The following OXGR1 variants were observed in gnomAD, a reference collection of about 807,000 sequenced individuals.
The protein encoded by OXGR1 is 2-oxoglutarate receptor 1.
OXGR1 carries 10 observed loss-of-function variants against 10.0 expected under a neutral mutation model. The observed-to-expected ratio is 1.00, with a 90% CI of 0.62 to 1.70. The LOEUF is 1.70. OXGR1 is among the 40% of genes most tolerant of loss of function. The probability of loss-of-function intolerance (pLI) is 0.00; values close to 1 mark genes in which losing one functional copy is unlikely to be tolerated. For missense variants in OXGR1, 398 were observed against 407.6 expected (o/e 0.98, Z 0.20); for synonymous variants, 191 against 155.9 (o/e 1.22, Z -1.68).
In OXGR1 at chr13:96,987,557, C is replaced by G; in HGVS notation, c.203G>C (p.Ser68Thr). 2 of 1,614,048 alleles carry G rather than the reference C, an allele frequency of 1.2e-6. No individual in the cohort carries two copies. Among genetic ancestry groups the G allele is most frequent in the Non-Finnish European group, 1.7e-6 (2 of 1,179,940 alleles). Reference sequence around the variant, plus strand: ...GGCCAGGTTCAGCATAATGATGGTGCTGCTCTTCCAAGGTCTCATTTTGAA... The same window carrying G: ...GGCCAGGTTCAGCATAATGATGGTGGTGCTCTTCCAAGGTCTCATTTTGAA... ...YIFKMRPWKSSTIIMLNLACT... is the reference protein window; with the variant it reads ...YIFKMRPWKSTTIIMLNLACT... The change falls in exon 4 of 4, where the codon AGC (serine) becomes ACC (threonine). Residue 68 changes from serine to threonine, a missense_variant. Transcript: ENST00000541038.
rs532359353 is a variant in OXGR1, at chr13:96,994,127, A to G, written c.-278+171T>C. On this transcript the variant is annotated intron_variant, in intron 1 of 3. Coordinates refer to ENST00000541038, the MANE Select transcript of OXGR1 (RefSeq NM_001346194.2). ...GATCTGGGGTGCTCCTGCTGCCTCC[A>G]GAGAAGAAGGGGGCGCTGCTCCGTC... is the stretch of plus-strand genomic sequence containing the variant. Among the ~76,000 whole-genome samples the G allele has an allele frequency of 6.6e-5, 10 of 152,304 alleles. No individual in the cohort carries two copies. In the East Asian group the frequency reaches 1.9e-3, roughly 29 times the overall value.
intron 3 of OXGR1, 85 bp from the exon 4 acceptor site, chr13:96,987,918 A>C: frequency 4.2e-6 from 4 of 960,432 alleles, no homozygotes; most frequent in Admixed American, 3.7e-5. Flanking sequence ...TAACATCCTA[A>C]ATTTGCCACT....
In OXGR1 at chr13:96,986,797, T is replaced by G. The variant is rs1367284378; in HGVS notation, c.963A>C (p.Val321=). ...QAVCSTVRCK[V]SGNLEQAKKI... ...TCTTTGCTTGCTCAAGGTTCCCGCTTACTTTGCATCTCACTGTTGAGCAGA... is the reference window on the plus strand; with the variant it reads ...TCTTTGCTTGCTCAAGGTTCCCGCTGACTTTGCATCTCACTGTTGAGCAGA... Residue 321 remains valine, a synonymous_variant, in exon 4 of 4, where the codon GTA becomes GTC. Transcript: ENST00000541038. 6.2e-7 allele frequency: 1 copy of G among 1,613,338 alleles called. No individual in the cohort carries two copies. The highest frequency in any genetic ancestry group is 1.1e-5 in the South Asian group (1 of 90,700).
chr13:96,990,946 C>CAAAAAAAAAAA lies in OXGR1; in HGVS notation c.-126-1148_-126-1138dup, dbSNP rs765856782. On this transcript the variant is annotated intron_variant, in intron 2 of 3. Coordinates refer to ENST00000541038, the MANE Select transcript of OXGR1 (RefSeq NM_001346194.2). ...CCTGAGTGACACAGCAAGACTCTTT[C>CAAAAAAAAAAA]AAAAAAAAAAAAAAAAGCAAGCTTA... Among the ~76,000 whole-genome samples the CAAAAAAAAAAA allele has an allele frequency of 7.7e-4, 75 of 97,080 alleles. 7 individuals are homozygous for CAAAAAAAAAAA. The highest frequency in any genetic ancestry group is 2.9e-3 in the African/African-American group (60 of 21,040). The allele number at this position is 97,080 out of a possible 152,430, so 63.7% of individuals were successfully genotyped here.
upstream of OXGR1, chr13:96,994,574 A>T (rs1445074202): frequency 6.6e-6 from 1 of 152,182 alleles, no homozygotes; most frequent in East Asian, 1.9e-4. Context: ...CTGACCCAGG[A>T]GAAAGTGTTT....
chr13:96,990,487 GA>G (rs1390730693), intron 2 of OXGR1, among the ~76,000 whole-genome samples: 4 of 152,174 alleles, frequency 2.6e-5, no homozygotes, highest in Admixed American at 6.5e-5. Context: ...TCAGCTCCTT[GA>G]AAGAAAAACA....
In OXGR1 at chr13:96,986,622, G is replaced by A; in HGVS notation, c.*124C>T. 9.7e-7 allele frequency: 1 copy of A among 1,029,890 alleles called. No homozygotes were observed. Among genetic ancestry groups the A allele is most frequent in the Non-Finnish European group, 1.4e-6 (1 of 716,436 alleles). 63.8% of individuals were successfully genotyped at this position (1,029,890 alleles called of 1,614,324 possible). A position where few individuals can be genotyped will look rare whatever the true frequency, so the allele number is the denominator to read the frequency against. Reference sequence around the variant, plus strand: ...AACTAGAAGCTCTGCCCTGGCTTTGGCACATGATTACTTGAATACACAGTA... The same window carrying A: ...AACTAGAAGCTCTGCCCTGGCTTTGACACATGATTACTTGAATACACAGTA... On this transcript the variant is annotated 3_prime_UTR_variant, in exon 4 of 4. Coordinates refer to ENST00000541038, the MANE Select transcript of OXGR1 (RefSeq NM_001346194.2).
At chr13:96,992,695 T>C in intron 1 of OXGR1, 123 bp from the exon 2 acceptor site, 1 of 152,396 alleles carries the variant, frequency 6.6e-6, no homozygotes, top group South Asian at 2.1e-4. Flanking sequence ...TGATGAAATG[T>C]GATTTTCCTA....
chr13:96,990,798 A>C (rs1882013843), intron 2 of OXGR1, among the ~76,000 whole-genome samples: 1 of 151,814 alleles, frequency 6.6e-6, no homozygotes, highest in Non-Finnish European at 1.5e-5. Context: ...ACAAAAAAAA[A>C]CGTAGCTGGG....
chr13:96,986,138 C>G lies in OXGR1; in HGVS notation c.*608G>C, dbSNP rs1881724401. ...AATATATTGCAGGTACTAATTTCAA[C>G]TATTTGCATGGACGTCCTTGGATTA... On this transcript the variant is annotated 3_prime_UTR_variant, in exon 4 of 4. Coordinates refer to ENST00000541038, the MANE Select transcript of OXGR1 (RefSeq NM_001346194.2). 1 of 152,208 alleles carries G rather than the reference C, an allele frequency of 6.6e-6. No homozygotes were observed. Among genetic ancestry groups the G allele is most frequent in the Admixed American group, 6.5e-5 (1 of 15,278 alleles). The allele number at this position is 152,208 out of a possible 1,614,324, so 9.4% of individuals were successfully genotyped here.
At chr13:96,991,014 C>T (rs1882030415) in intron 2 of OXGR1, among the ~76,000 whole-genome samples, 1 of 149,504 alleles carries the variant, frequency 6.7e-6, no homozygotes, top group Admixed American at 6.7e-5. Context: ...ATTACAATTC[C>T]TGTCATTGCC....
chr13:96,993,261 C>G (rs892953264), intron 1 of OXGR1, among the ~76,000 whole-genome samples: 2 of 152,132 alleles, frequency 1.3e-5, no homozygotes, highest in Non-Finnish European at 2.9e-5. Flanking sequence ...CTCTGTCGCC[C>G]AGACTGGAGT....
intron 3 of OXGR1, 99 bp from the exon 4 acceptor site, chr13:96,987,932 C>T (rs1007378706): frequency 1.2e-6 from 1 of 819,458 alleles, no homozygotes; most frequent in Non-Finnish European, 1.8e-6. Context: ...TGCCACTTCT[C>T]TCTCTTTAAT....
At chr13:96,992,951 G>C (rs1882131496) in intron 1 of OXGR1, among the ~76,000 whole-genome samples, 1 of 152,166 alleles carries the variant, frequency 6.6e-6, no homozygotes, top group South Asian at 2.1e-4. Flanking sequence ...AAGCTCCAAA[G>C]CTGGGGTCAC....
rs1320776104 is a variant in OXGR1, at chr13:96,987,659, T to C, written c.101A>G (p.His34Arg). The change falls in exon 4 of 4, where the codon CAC becomes CGC. Residue 34 changes from histidine (H) to arginine (R), a missense_variant. His to Arg is a conservative substitution (Grantham distance 29). Transcript: ENST00000541038. ...CTDENIPLKMHYLPVIYGIIF... is the reference protein window; with the variant it reads ...CTDENIPLKMRYLPVIYGIIF... ...AATGCCATAAATAACAGGGAGGTAG[T>C]GCATCTTGAGTGGGATGTTTTCATC... 2 of 1,614,190 alleles carry C rather than the reference T, an allele frequency of 1.2e-6. No homozygotes were observed. Among genetic ancestry groups the C allele is most frequent in the East Asian group, 2.2e-5 (1 of 44,880 alleles).
chr13:96,993,784 T>C (rs1882178762), intron 1 of OXGR1, among the ~76,000 whole-genome samples: 1 of 139,298 alleles, frequency 7.2e-6, no homozygotes, highest in Non-Finnish European at 1.5e-5. Flanking sequence ...GAAAGACATT[T>C]CAGGGGAAAC....
chr13:96,993,016 C>A (rs16953706), intron 1 of OXGR1, among the ~76,000 whole-genome samples: 5,436 of 152,232 alleles, frequency 0.036, 329 homozygotes, highest in African/African-American at 0.12. Context: ...AGACTTACTT[C>A]GATTTCCCAG....
intron 2 of OXGR1, among the ~76,000 whole-genome samples, chr13:96,990,861 A>C (rs1335290925): frequency 6.7e-6 from 1 of 149,168 alleles, no homozygotes; most frequent in East Asian, 2.0e-4. Context: ...AGGCACGAGA[A>C]TCGCTTGAAC....
chr13:96,991,269 A>G (rs1882044018), intron 2 of OXGR1, among the ~76,000 whole-genome samples: 1 of 152,220 alleles, frequency 6.6e-6, no homozygotes, highest in African/African-American at 2.4e-5. Context: ...ACAGCACACA[A>G]AAAACCGGTC....
Sources: gnomAD v4.1 joint callset for allele counts (sites outside exome capture counted in the v4.1 genomes callset) on GRCh38, gnomAD v4.1.1 for gene constraint, MANE v1.5 for transcripts, NCBI Gene and HGNC (gene_info 2026-07-23, HGNC 2026-07-21) for gene names.